The following MINK1 variants were observed in gnomAD, a reference collection of about 807,000 sequenced individuals.
MINK1 encodes the protein misshapen like kinase 1, also known as misshapen-like kinase 1.
A neutral mutation model predicts 178.4 loss-of-function variants in MINK1; 46 were observed. That is an observed-to-expected ratio of 0.26 (90% CI 0.20 to 0.33). The LOEUF (loss-of-function observed/expected upper bound fraction) is 0.33. Among genes scored for constraint, MINK1 ranks in the 10% least tolerant of loss-of-function variants. The pLI, the probability that MINK1 is intolerant of heterozygous loss-of-function variation, is 1.00. For synonymous variants in MINK1, 797 were observed against 709.7 expected, an observed-to-expected ratio of 1.12 and a Z score of -1.96; for missense variants, 1,366 against 1,814.9, an observed-to-expected ratio of 0.75 and a Z score of 4.49.
chr17:4,891,280 C>G (rs556020087), intron 15 of MINK1, among the ~76,000 whole-genome samples, 156 bp downstream of exon 15: 2 of 152,322 alleles, frequency 1.3e-5, no homozygotes, highest in African/African-American at 4.8e-5. Context: ...CAGACTCACT[C>G]ACCTGCTTCT....
chr17:4,863,510 G>A (rs747442202), intron 1 of MINK1, among the ~76,000 whole-genome samples: 3 of 152,142 alleles, frequency 2.0e-5, no homozygotes, highest in Admixed American at 6.6e-5. Context: ...GGCTAGAAAG[G>A]GGAGGAAATG....
In MINK1 at chr17:4,894,024, G is replaced by A. The variant is rs754201681; in HGVS notation, c.2601G>A (p.Val867=). The A allele has an allele frequency of 5.0e-6, 8 of 1,590,500 alleles. No homozygotes were observed. The highest frequency in any genetic ancestry group is 6.8e-6 in the Non-Finnish European group (8 of 1,168,002). The change falls in exon 22 of 32, where the codon GTG becomes GTA. Residue 867 remains valine, a synonymous_variant. Transcript: ENST00000355280. The surrounding 1 kb of genome is among the most constrained non-coding windows in gnomAD (Gnocchi z 4.1). The part of the protein sequence containing the change: ...DGDTDSVSTM[V]VHDVEEITGT... ...ATACAGACAGCGTCAGCACCATGGT[G>A]GTCCACGACGTCGAGGAGATCACCG... is the stretch of plus-strand genomic sequence containing the variant.
In MINK1 at chr17:4,863,652, A is replaced by G. The variant is rs145135637; in HGVS notation, c.58-14665A>G. On this transcript the variant is annotated intron_variant, in intron 1 of 31. Transcript: ENST00000355280. ...GCCTGGGCAAGTGTTTAATTGTTGT[A>G]AACTTTTTCACCTGTGAAATGAGTA... 1.2e-3 allele frequency among the ~76,000 whole-genome samples: 180 copies of G among 152,314 alleles called. 3 individuals are homozygous for G. In the East Asian group the frequency reaches 0.029, roughly 25 times the overall value.
chr17:4,854,881 C>T, intron 1 of MINK1: 1 of 434,290 alleles, frequency 2.3e-6, no homozygotes, highest in Non-Finnish European at 4.6e-6. Flanking sequence ...GTAAGAAGCG[C>T]TGAGAAAAGG....
Position 4,895,631 on chromosome 17 carries a change from C to T in MINK1, c.3230-67C>T, listed in dbSNP as rs1045935349. On this transcript the variant is annotated intron_variant, in intron 26 of 31. Transcript: ENST00000355280. The surrounding 1 kb of genome is among the most constrained non-coding windows in gnomAD (Gnocchi z 4.3). ...CCTTGTGGTATGCTGACAGAGGAGGCCAGGGCGGTGGCATTCGGGCCTCAG... is the reference window on the plus strand; with the variant it reads ...CCTTGTGGTATGCTGACAGAGGAGGTCAGGGCGGTGGCATTCGGGCCTCAG... The T allele has an allele frequency of 3.2e-6, 5 of 1,584,030 alleles. No homozygotes were observed. The highest frequency in any genetic ancestry group is 1.1e-5 in the South Asian group (1 of 87,164).
Position 4,889,719 on chromosome 17 carries a change from G to C in MINK1, c.1303G>C (p.Ala435Pro). ...GCAGCGGCGGCTGGAGGACATGCAG[G>C]CTCTGCGGCGGGAGGAGGAGCGGCG... is the stretch of plus-strand genomic sequence containing the variant. Reference protein sequence around the residue: ...EQQRRLEDMQALRREEERRQA... With the variant: ...EQQRRLEDMQPLRREEERRQA... Residue 435 changes from alanine (A) to proline (P), a missense_variant, in exon 13 of 32, where the codon GCT (alanine) becomes CCT (proline). Ala to Pro is a conservative substitution (Grantham distance 27, BLOSUM62 -1). This residue lies in a region of MINK1 where 87 missense variants were observed against 78.9 expected (regional missense o/e 1.10). Coordinates refer to ENST00000355280, the MANE Select transcript of MINK1 (RefSeq NM_153827.5). 1.9e-6 allele frequency: 3 copies of C among 1,553,036 alleles called. No individual in the cohort carries two copies. Among genetic ancestry groups the C allele is most frequent in the Non-Finnish European group, 2.6e-6 (3 of 1,151,542 alleles).
At chr17:4,866,094 C>T (rs1247011543) in intron 1 of MINK1, among the ~76,000 whole-genome samples, 1 of 152,176 alleles carries the variant, frequency 6.6e-6, no homozygotes, top group African/African-American at 2.4e-5. Flanking sequence ...AGCACAGTTT[C>T]TGGTACACAA....
intron 1 of MINK1, among the ~76,000 whole-genome samples, chr17:4,855,960 G>T (rs1913049223): frequency 6.6e-6 from 1 of 150,992 alleles, no homozygotes; most frequent in Non-Finnish European, 1.5e-5. Flanking sequence ...GGTGACAAAA[G>T]CGAGACTCTA....
rs779488214 is a variant in MINK1, at chr17:4,885,527, C to T, written c.553C>T (p.Arg185Trp). Reference sequence around the variant, plus strand: ...TCAGCTGGACCGCACCGTGGGCAGACGGAACACTTTCATTGGGACTCCCTA... The same window carrying T: ...TCAGCTGGACCGCACCGTGGGCAGATGGAACACTTTCATTGGGACTCCCTA... The part of the protein sequence containing the change: ...SAQLDRTVGR[R>W]NTFIGTPYWM... The change falls in exon 7 of 32, where the codon CGG becomes TGG. Residue 185 changes from arginine (R) to tryptophan (W), a missense_variant. This residue lies in a region of MINK1 where 109 missense variants were observed against 369.4 expected (regional missense o/e 0.30). Transcript: ENST00000355280. The surrounding 1 kb of genome is among the most constrained non-coding windows in gnomAD (Gnocchi z 5.0). 1 of 1,613,900 alleles carries T rather than the reference C, an allele frequency of 6.2e-7. No individual in the cohort carries two copies. The highest frequency in any genetic ancestry group is 8.5e-7 in the Non-Finnish European group (1 of 1,179,868).
intron 15 of MINK1, 25 bp downstream of exon 15, chr17:4,891,149 TAATG>T (rs1968750623): frequency 5.4e-6 from 8 of 1,483,502 alleles, no homozygotes; most frequent in African/African-American, 1.4e-5. Flanking sequence ...ACCCCTGTCT[TAATG>T]AAGACACAGG....
At chr17:4,837,609 C>CG (rs1909504789) in intron 1 of MINK1, among the ~76,000 whole-genome samples, 1 of 152,180 alleles carries the variant, frequency 6.6e-6, no homozygotes. Flanking sequence ...ACTTGGAACT[C>CG]TTGGCTTCTC....
rs376745363 is a variant in MINK1 at position 4,891,822 on chromosome 17, C to T, written c.2001+106C>T. 219 of 1,417,148 alleles carry T rather than the reference C, an allele frequency of 1.5e-4. 2 individuals carry two copies. In the East Asian group the frequency reaches 4.8e-3, roughly 31 times the overall value. 87.8% of individuals were successfully genotyped at this position (1,417,148 alleles called of 1,614,324 possible). ...TGGAGGAAGAGTGCAGGGCGGGAAGCGAGAGAAAGCCAGGGCGCTGCCCTG... is the reference window on the plus strand; with the variant it reads ...TGGAGGAAGAGTGCAGGGCGGGAAGTGAGAGAAAGCCAGGGCGCTGCCCTG... On this transcript the variant is annotated intron_variant, in intron 16 of 31. Coordinates refer to ENST00000355280, the MANE Select transcript of MINK1 (RefSeq NM_153827.5).
intron 1 of MINK1, among the ~76,000 whole-genome samples, chr17:4,837,327 C>T (rs1188920548): frequency 6.6e-6 from 1 of 152,218 alleles, no homozygotes; most frequent in Non-Finnish European, 1.5e-5. Flanking sequence ...GTGCCTCTTA[C>T]AACACGTGCC....
chr17:4,878,906 A>G (rs892568847), intron 2 of MINK1, among the ~76,000 whole-genome samples: 1 of 152,206 alleles, frequency 6.6e-6, no homozygotes, highest in Non-Finnish European at 1.5e-5. Flanking sequence ...TCAGCCACTG[A>G]TGGTAGCTTT....
intron 4 of MINK1, among the ~76,000 whole-genome samples, chr17:4,882,425 A>G (rs1967787076): frequency 6.6e-6 from 1 of 152,084 alleles, no homozygotes; most frequent in Non-Finnish European, 1.5e-5. Flanking sequence ...AGCCCTCCTC[A>G]TCTCCTGGCC....
chr17:4,889,280 C>A (rs1404471092), intron 12 of MINK1, among the ~76,000 whole-genome samples: 4 of 152,160 alleles, frequency 2.6e-5, no homozygotes, highest in Non-Finnish European at 5.9e-5. Context: ...ATCACTACGA[C>A]CCGCTCTATA....
In MINK1 at chr17:4,895,532, G is replaced by C. The variant is rs771880000; in HGVS notation, c.3229+39G>C. 8 of 1,552,306 alleles carry C rather than the reference G, an allele frequency of 5.2e-6. No homozygotes were observed. The highest frequency in any genetic ancestry group is 7.0e-6 in the Non-Finnish European group (8 of 1,145,408). Reference sequence around the variant, plus strand: ...GAGTGGGGGAGGGAGGAGGGGCTCAGCTCCTTGGCGCTGTCACCATCTTCT... The same window carrying C: ...GAGTGGGGGAGGGAGGAGGGGCTCACCTCCTTGGCGCTGTCACCATCTTCT... On this transcript the variant is annotated intron_variant, in intron 26 of 31. Transcript: ENST00000355280. This position sits in a 1 kb window ranked among gnomAD's most constrained non-coding sequence, Gnocchi z 4.3.
chr17:4,892,340 C>T (rs904020148), intron 17 of MINK1, 62 bp from the exon 18 acceptor site: 8 of 1,469,668 alleles, frequency 5.4e-6, no homozygotes, highest in Middle Eastern at 2.1e-4. Context: ...TGGGAAAGCC[C>T]CAGCCCCATC....
intron 21 of MINK1, 69 bp from the exon 22 acceptor site, chr17:4,893,919 A>G (rs1239442918): frequency 7.6e-7 from 1 of 1,310,948 alleles, no homozygotes; most frequent in Non-Finnish European, 1.0e-6. Context: ...TCTGGCTGCC[A>G]TCTGCTGCCT....
Sources: allele counts gnomAD v4.1 joint callset (sites outside exome capture counted in the v4.1 genomes callset), GRCh38; gene constraint gnomAD v4.1.1; regional missense constraint gnomAD v4.1.1; non-coding constraint Gnocchi (gnomAD v3.1); transcripts MANE v1.5; gene names NCBI Gene and HGNC (gene_info 2026-07-23, HGNC 2026-07-21).